The following DNAH6 variants were observed in gnomAD, a reference collection of about 807,000 sequenced individuals.
The protein encoded by DNAH6 is dynein axonemal heavy chain 6, also known as axonemal beta dynein heavy chain 6.
Under a neutral mutation model 491.4 loss-of-function variants are expected in DNAH6, and 340 were observed. The observed-to-expected ratio is 0.69, with a 90% confidence interval of 0.63 to 0.76. The LOEUF (loss-of-function observed/expected upper bound fraction) is 0.76. DNAH6 is among the 30% of genes least tolerant of loss of function. DNAH6 has a pLI of 0.00. For missense variants in DNAH6, 4,443 were observed against 4,972.2 expected (o/e 0.89, Z 3.20); for synonymous variants, 1,603 against 1,686.1 (o/e 0.95, Z 1.21).
In DNAH6 at chr2:84,604,402, C is replaced by G; in HGVS notation, c.2932C>G (p.Gln978Glu). Residue 978 changes from glutamine (Q) to glutamate (E), a missense_variant, in exon 19 of 77, where the codon CAA (glutamine) becomes GAA (glutamate). By Grantham distance (29) the Gln-to-Glu change is conservative. Transcript: ENST00000389394. ...LKARHWAAIE[Q>E]TVDATLVDAE... ...GGCAAGACATTGGGCAGCTATTGAA[C>G]AAACAGTTGATGCCACTCTAGTGGA... The G allele has an allele frequency of 6.4e-7, 1 of 1,552,202 alleles. No individual in the cohort carries two copies. The highest frequency in any genetic ancestry group is 8.7e-7 in the Non-Finnish European group (1 of 1,147,072).
intron 22 of DNAH6, among the ~76,000 whole-genome samples, chr2:84,613,978 T>C (rs1433482058): frequency 6.6e-6 from 1 of 152,084 alleles, no homozygotes; most frequent in African/African-American, 2.4e-5. Context: ...CTTAGTACTT[T>C]TTATTGAAAA....
chr2:84,555,362 T>C (rs1054349352), intron 10 of DNAH6, among the ~76,000 whole-genome samples: 5 of 152,192 alleles, frequency 3.3e-5, no homozygotes, highest in African/African-American at 4.8e-5. Flanking sequence ...ACTCCTCCTT[T>C]GGTTTAATTG....
At chr2:84,528,604 C>A (rs550992724) in intron 3 of DNAH6, among the ~76,000 whole-genome samples, 2 of 152,072 alleles carry the variant, frequency 1.3e-5, no homozygotes, top group South Asian at 4.2e-4. Context: ...CTCCCATGGA[C>A]ATCAAAGACC....
intron 11 of DNAH6, among the ~76,000 whole-genome samples, chr2:84,570,789 C>G (rs183893738): frequency 7.2e-5 from 11 of 152,286 alleles, no homozygotes; most frequent in Admixed American, 7.2e-4. Flanking sequence ...TCCCCTTCCA[C>G]GCTGTGGAAG....
chr2:84,635,563 A>G (rs376355428), intron 30 of DNAH6, among the ~76,000 whole-genome samples: 1 of 152,170 alleles, frequency 6.6e-6, no homozygotes. Context: ...TGGCTGAGCA[A>G]TTCACTGAAA....
chr2:84,682,755 T>A (rs1347409298), intron 42 of DNAH6, among the ~76,000 whole-genome samples: 2 of 152,082 alleles, frequency 1.3e-5, no homozygotes, highest in Non-Finnish European at 2.9e-5. Context: ...ATCTAACCAC[T>A]CCTCACCACT....
At chr2:84,797,701 T>C in intron 70 of DNAH6, 43 bp downstream of exon 70, 1 of 1,489,110 alleles carries the variant, frequency 6.7e-7, no homozygotes, top group South Asian at 1.2e-5. Flanking sequence ...ATGTTGTGTA[T>C]GTAAACTCAA....
rs116801343 is a variant in DNAH6, at chr2:84,648,991, C to G, written c.5079-4328C>G. Among the ~76,000 whole-genome samples, 521 of 152,318 alleles carry G rather than the reference C, an allele frequency of 3.4e-3. 1 individual carries two copies. Among genetic ancestry groups the G allele is most frequent in the Non-Finnish European group, 4.4e-3 (298 of 68,016 alleles). On this transcript the variant is annotated intron_variant, in intron 33 of 76. Coordinates refer to ENST00000389394, the MANE Select transcript of DNAH6 (RefSeq NM_001370.2). ...TAAGAAATTGCCACAGTCACTCCAG[C>G]CTTCAGCAACTACCACCCTGCTCAG...
At chr2:84,675,217 AT>A (rs1693117248) in intron 40 of DNAH6, among the ~76,000 whole-genome samples, 1 of 152,066 alleles carries the variant, frequency 6.6e-6, no homozygotes, top group Admixed American at 6.5e-5. Context: ...TGATGTGCTC[AT>A]CTTGTGTTGC....
At chr2:84,708,075 C>A (rs955560009) in intron 54 of DNAH6, among the ~76,000 whole-genome samples, 1 of 152,046 alleles carries the variant, frequency 6.6e-6, no homozygotes, top group Non-Finnish European at 1.5e-5. Context: ...TGCAAGAGGG[C>A]CAGTCAAAAG....
At chr2:84,649,117 G>A (rs544278839) in intron 33 of DNAH6, among the ~76,000 whole-genome samples, 61 of 152,270 alleles carry the variant, frequency 4.0e-4, no homozygotes, top group African/African-American at 1.3e-3. Flanking sequence ...TTAAATAAAG[G>A]TATGTACATT....
chr2:84,553,198 A>G (rs1679574240), intron 10 of DNAH6, among the ~76,000 whole-genome samples, 164 bp downstream of exon 10: 1 of 152,238 alleles, frequency 6.6e-6, no homozygotes, highest in Non-Finnish European at 1.5e-5. Context: ...CTATATATAA[A>G]CTATCTAAAA....
At chr2:84,676,952 A>C (rs1693285635) in intron 40 of DNAH6, 53 bp from the exon 41 acceptor site, 3 of 1,543,980 alleles carry the variant, frequency 1.9e-6, no homozygotes, top group East Asian at 4.9e-5. Context: ...TAGGATAGGC[A>C]GGTCTCATTT....
At chr2:84,705,448 C>A in intron 51 of DNAH6, 38 bp from the exon 52 acceptor site, 1 of 1,478,536 alleles carries the variant, frequency 6.8e-7, no homozygotes, top group Non-Finnish European at 9.0e-7. Context: ...TATATTACTT[C>A]ATTTCAGTGC....
At chr2:84,549,660 A>G (rs1184632385) in intron 8 of DNAH6, among the ~76,000 whole-genome samples, 1 of 152,258 alleles carries the variant, frequency 6.6e-6, no homozygotes, top group African/African-American at 2.4e-5. Context: ...AAGTTAGAAT[A>G]TCTAACTGAA....
chr2:84,514,867 T>TCTCACACACACACACACA (rs71390175), upstream of DNAH6, among the ~76,000 whole-genome samples: 1 of 139,006 alleles, frequency 7.2e-6, no homozygotes, highest in African/African-American at 2.8e-5. Flanking sequence ...TTCACCACAG[T>TCTCACACACACACACACA]CACACACACA....
chr2:84,689,463 C>T (rs1388770195), intron 45 of DNAH6, among the ~76,000 whole-genome samples: 1 of 152,164 alleles, frequency 6.6e-6, no homozygotes, highest in Non-Finnish European at 1.5e-5. Flanking sequence ...GGAGCATCTC[C>T]GCCTCCATAT....
intron 37 of DNAH6, among the ~76,000 whole-genome samples, chr2:84,668,459 G>A (rs78516583): frequency 6.6e-6 from 1 of 152,178 alleles, no homozygotes; most frequent in Non-Finnish European, 1.5e-5. Flanking sequence ...AATGCAGTCT[G>A]ATTATGTTAC....
At chr2:84,747,319 T>C (rs1346366862) in intron 63 of DNAH6, among the ~76,000 whole-genome samples, 1 of 152,072 alleles carries the variant, frequency 6.6e-6, no homozygotes, top group Non-Finnish European at 1.5e-5. Context: ...CAAGACACAA[T>C]GATGGTTTGG....
Sources: gnomAD v4.1 joint callset for allele counts (sites outside exome capture counted in the v4.1 genomes callset) on GRCh38, gnomAD v4.1.1 for gene constraint, MANE v1.5 for transcripts, NCBI Gene and HGNC (gene_info 2026-07-23, HGNC 2026-07-21) for gene names.